Variants in PRIM2 observed in about 807,000 individuals in gnomAD.
The protein encoded by PRIM2 is DNA primase large subunit.
A neutral mutation model predicts 67.3 loss-of-function variants in PRIM2; 39 were observed. That is an observed-to-expected ratio of 0.58 (90% CI 0.45 to 0.76). The LOEUF is 0.76. Among genes scored for constraint, PRIM2 ranks in the 30% least tolerant of loss-of-function variants. The pLI, the probability that PRIM2 is intolerant of heterozygous loss-of-function variation, is 0.00. For missense variants in PRIM2, 398 were observed against 598.7 expected (o/e 0.66, Z 3.50); for synonymous variants, 143 against 198.7 (o/e 0.72, Z 2.36).
chr6:57,631,142 G>A (rs1236172965), intron 12 of PRIM2, among the ~76,000 whole-genome samples: 8 of 152,130 alleles, frequency 5.3e-5, no homozygotes, highest in African/African-American at 1.9e-4. Context: ...GTGTGTATCT[G>A]TCAAATGACA....
At chr6:57,272,315 T>C in the PRIM2 span, among the ~76,000 whole-genome samples, 3 of 152,224 alleles carry the variant, frequency 2.0e-5, no homozygotes, top group African/African-American at 7.2e-5. Flanking sequence ...TGCTCCTGTA[T>C]TGGGTGCATA....
chr6:57,605,059 G>A (rs1776535824), intron 11 of PRIM2, among the ~76,000 whole-genome samples: 1 of 152,192 alleles, frequency 6.6e-6, no homozygotes, highest in Non-Finnish European at 1.5e-5. Flanking sequence ...TTCTGTTTAT[G>A]TGGTGAATCA....
chr6:57,536,112 A>T (rs1189000387), intron 9 of PRIM2, among the ~76,000 whole-genome samples: 5 of 152,174 alleles, frequency 3.3e-5, no homozygotes, highest in Non-Finnish European at 7.4e-5. Flanking sequence ...GGGATGGAAA[A>T]AATCAGAAGT....
chr6:57,437,662 CTTT>C (rs11315818), intron 7 of PRIM2, among the ~76,000 whole-genome samples: 57 of 128,282 alleles, frequency 4.4e-4, no homozygotes, highest in Admixed American at 4.8e-4. Context: ...GGAAGGATTC[CTTT>C]TTTTTTTTTT....
At chr6:57,643,701 TC>T (rs1301586977) in intron 13 of PRIM2, among the ~76,000 whole-genome samples, 7 of 152,220 alleles carry the variant, frequency 4.6e-5, no homozygotes, top group Non-Finnish European at 1.5e-5. Flanking sequence ...CACAAATGAT[TC>T]CATTGTTAAT....
the PRIM2 span, chr6:57,222,420 G>C: frequency 3.9e-5 from 6 of 152,454 alleles, no homozygotes; most frequent in African/African-American, 1.4e-4. Context: ...AGGGAGCCCG[G>C]GAGGGCAGTG....
intron 10 of PRIM2, among the ~76,000 whole-genome samples, chr6:57,557,860 T>C (rs1191139646): frequency 6.6e-6 from 1 of 151,984 alleles, no homozygotes; most frequent in African/African-American, 2.4e-5. Context: ...ATATAACTAT[T>C]GAATTGCCTT....
At chr6:57,313,287 G>A (rs954710982), upstream of PRIM2, among the ~76,000 whole-genome samples, 2 of 152,018 alleles carry the variant, frequency 1.3e-5, no homozygotes, top group African/African-American at 4.8e-5. Context: ...CTGTTTAGTA[G>A]TTGTTATCTA....
intron 7 of PRIM2, among the ~76,000 whole-genome samples, chr6:57,393,168 A>G (rs1300408328): frequency 4.0e-5 from 6 of 149,048 alleles, no homozygotes. Context: ...TCTGGTAGAT[A>G]CCCAGTAGTG....
intron 5 of PRIM2, among the ~76,000 whole-genome samples, chr6:57,337,595 T>G (rs1292908419): frequency 6.6e-6 from 1 of 152,050 alleles, no homozygotes; most frequent in Non-Finnish European, 1.5e-5. Flanking sequence ...CTGAACAACC[T>G]GCTCCTGAAT....
At chr6:57,474,614 A>T (rs1488019759) in intron 7 of PRIM2, among the ~76,000 whole-genome samples, 2 of 152,160 alleles carry the variant, frequency 1.3e-5, no homozygotes, top group Admixed American at 6.5e-5. Flanking sequence ...ATGTTGCAAG[A>T]AGTTAAGCAG....
At chr6:57,455,554 C>G (rs1772739034) in intron 7 of PRIM2, among the ~76,000 whole-genome samples, 1 of 152,240 alleles carries the variant, frequency 6.6e-6, no homozygotes, top group South Asian at 2.1e-4. Context: ...CCTGCTTTGT[C>G]TCTTTTGATC....
At chr6:57,348,508 T>G (rs913642413) in intron 5 of PRIM2, among the ~76,000 whole-genome samples, 1 of 152,182 alleles carries the variant, frequency 6.6e-6, no homozygotes, top group Non-Finnish European at 1.5e-5. Flanking sequence ...GAAAGCCTAC[T>G]GTTTCAAACT....
chr6:57,396,727 T>C (rs1444622501), intron 7 of PRIM2, among the ~76,000 whole-genome samples: 4 of 152,176 alleles, frequency 2.6e-5, no homozygotes, highest in Non-Finnish European at 4.4e-5. Flanking sequence ...TTTTTTGTTT[T>C]TGTTTTTTAA....
intron 12 of PRIM2, among the ~76,000 whole-genome samples, chr6:57,608,433 C>CA (rs1425031125): frequency 2.8e-3 from 419 of 151,808 alleles, no homozygotes; most frequent in African/African-American, 9.0e-3. Flanking sequence ...ATAACCTTTT[C>CA]AAAAAAAATG....
chr6:57,290,539 C>A, the PRIM2 span, among the ~76,000 whole-genome samples: 1 of 152,212 alleles, frequency 6.6e-6, no homozygotes, highest in Non-Finnish European at 1.5e-5. Context: ...CAACCCAAAT[C>A]AACAGAATAT....
At chr6:57,524,200 T>C (rs1218912957) in intron 8 of PRIM2, among the ~76,000 whole-genome samples, 2 of 152,218 alleles carry the variant, frequency 1.3e-5, no homozygotes, top group Non-Finnish European at 2.9e-5. Context: ...TTGAAAGTCT[T>C]AACCTTTCTC....
chr6:57,598,278 G>A (rs1776403950), intron 10 of PRIM2, among the ~76,000 whole-genome samples: 2 of 152,086 alleles, frequency 1.3e-5, no homozygotes, highest in East Asian at 1.9e-4. Flanking sequence ...AAGTGGCAAC[G>A]TTTGTCTTTT....
the PRIM2 span, among the ~76,000 whole-genome samples, chr6:57,267,777 G>A: frequency 6.6e-6 from 1 of 150,850 alleles, no homozygotes; most frequent in Non-Finnish European, 1.5e-5. Flanking sequence ...AGGCATGGTG[G>A]CACATGCTGG....
Sources: allele counts gnomAD v4.1 joint callset (sites outside exome capture counted in the v4.1 genomes callset), GRCh38; gene constraint gnomAD v4.1.1; transcripts MANE v1.5; gene names NCBI Gene and HGNC (gene_info 2026-07-23, HGNC 2026-07-21).